SPATA17: variants seen among roughly 807,000 people sequenced by gnomAD.
SPATA17 encodes the protein spermatogenesis-associated protein 17.
A neutral mutation model predicts 62.2 loss-of-function variants in SPATA17; 53 were observed. The ratio of observed to expected loss-of-function variants is 0.85; its 90% CI spans 0.68 to 1.07. SPATA17 has a LOEUF of 1.07. SPATA17 is among the 50% of genes least tolerant of loss of function. The probability of loss-of-function intolerance (pLI) is 0.00; values close to 1 mark genes in which losing one functional copy is unlikely to be tolerated. For missense variants in SPATA17, 466 were observed against 425.5 expected (o/e 1.10, Z -0.84); for synonymous variants, 146 against 146.8 (o/e 0.99, Z 0.04).
intron 9 of SPATA17, among the ~76,000 whole-genome samples, chr1:217,819,228 T>C (rs61825858): frequency 0.1 from 15,193 of 151,960 alleles, 900 homozygotes; most frequent in Admixed American, 0.17. Flanking sequence ...TTTTGCTTAT[T>C]TTCTTTATTT....
chr1:217,849,943 G>C (rs759041719), intron 9 of SPATA17, among the ~76,000 whole-genome samples: 1 of 152,132 alleles, frequency 6.6e-6, no homozygotes, highest in Non-Finnish European at 1.5e-5. Flanking sequence ...ACAGGTCACT[G>C]TTCTTCATTC....
Position 217,683,295 on chromosome 1 carries a change from A to G in SPATA17, c.329A>G (p.Tyr110Cys). Residue 110 changes from tyrosine (Y) to cysteine (C), a missense_variant, in exon 5 of 11, where the codon TAC (tyrosine) becomes TGC (cysteine). Tyr to Cys is a radical substitution (Grantham distance 194, BLOSUM62 -2). Transcript: ENST00000366933. ...RRWRGYRVRK[Y>C]LFNYYYLKEY... Reference sequence around the variant, plus strand: ...TGGCGAGGCTATAGGGTTCGGAAGTACCTCTTTAATTATTATTATTTGAAA... The same window carrying G: ...TGGCGAGGCTATAGGGTTCGGAAGTGCCTCTTTAATTATTATTATTTGAAA... The G allele has an allele frequency of 6.2e-7, 1 of 1,610,714 alleles. No individual in the cohort carries two copies. The highest frequency in any genetic ancestry group is 8.5e-7 in the Non-Finnish European group (1 of 1,178,388).
chr1:217,701,583 C>T (rs1040749611), intron 5 of SPATA17, among the ~76,000 whole-genome samples: 6 of 151,440 alleles, frequency 4.0e-5, no homozygotes, highest in Admixed American at 2.6e-4. Flanking sequence ...GACGGGGTTT[C>T]GCCATGTTGG....
intron 6 of SPATA17, among the ~76,000 whole-genome samples, chr1:217,771,029 C>T (rs1169322149): frequency 1.3e-5 from 1 of 79,248 alleles, no homozygotes; most frequent in African/African-American, 5.0e-5. Flanking sequence ...GAGTCAGAAT[C>T]GTAGCCTTTA....
At chr1:217,632,123 C>G (rs1447507192) in intron 1 of SPATA17, among the ~76,000 whole-genome samples, 1 of 152,016 alleles carries the variant, frequency 6.6e-6, no homozygotes, top group East Asian at 1.9e-4. Flanking sequence ...GCAGAGGTTG[C>G]AGTGACCCGA....
Position 217,774,549 on chromosome 1 carries a change from C to A in SPATA17, c.723+12C>A. ...GAAAGCAATGTCAGGTACTAGTTTG[C>A]TGTATAAGAATTCTGTCATTAATTT... On this transcript the variant is annotated intron_variant, in intron 7 of 10. Coordinates refer to ENST00000366933, the MANE Select transcript of SPATA17 (RefSeq NM_138796.4). 6.2e-7 allele frequency: 1 copy of A among 1,608,756 alleles called. No individual in the cohort carries two copies. Among genetic ancestry groups the A allele is most frequent in the Admixed American group, 1.7e-5 (1 of 59,806 alleles).
intron 3 of SPATA17, among the ~76,000 whole-genome samples, chr1:217,668,221 A>G (rs1670746361): frequency 6.6e-6 from 1 of 152,180 alleles, no homozygotes; most frequent in South Asian, 2.1e-4. Flanking sequence ...TGTTTATTGT[A>G]CTGTCATGAA....
chr1:217,640,694 G>C (rs1043443160), intron 1 of SPATA17, among the ~76,000 whole-genome samples: 6 of 151,918 alleles, frequency 3.9e-5, no homozygotes, highest in Non-Finnish European at 1.5e-5. Context: ...GCTAAATAAA[G>C]ACAAGCATAT....
intron 3 of SPATA17, among the ~76,000 whole-genome samples, chr1:217,655,232 T>C (rs73107339): frequency 0.012 from 1,758 of 152,336 alleles, 25 homozygotes; most frequent in African/African-American, 0.034. Flanking sequence ...CTGTCTTCAC[T>C]TTTCATAACC....
At chr1:217,709,925 T>A (rs2102925728) in intron 5 of SPATA17, among the ~76,000 whole-genome samples, 1 of 152,320 alleles carries the variant, frequency 6.6e-6, no homozygotes, top group East Asian at 1.9e-4. Flanking sequence ...TTAAGATTTA[T>A]GTCTGAGTTT....
At chr1:217,765,800 A>G (rs115059204) in intron 6 of SPATA17, among the ~76,000 whole-genome samples, 75 of 152,134 alleles carry the variant, frequency 4.9e-4, no homozygotes, top group African/African-American at 1.7e-3. Flanking sequence ...ATTTCTTCCT[A>G]CAGCTATCAG....
At chr1:217,843,489 A>G (rs1346888854) in intron 9 of SPATA17, among the ~76,000 whole-genome samples, 1 of 152,046 alleles carries the variant, frequency 6.6e-6, no homozygotes, top group African/African-American at 2.4e-5. Context: ...CATGGAATAT[A>G]TCATGAAGCT....
At chr1:217,694,797 C>A (rs1671418331) in intron 5 of SPATA17, among the ~76,000 whole-genome samples, 2 of 145,458 alleles carry the variant, frequency 1.4e-5, no homozygotes, top group Non-Finnish European at 3.0e-5. Context: ...AAATTCTTTT[C>A]TTTAAGAATG....
At chr1:217,633,847 A>G (rs1459907520) in intron 1 of SPATA17, among the ~76,000 whole-genome samples, 1 of 152,236 alleles carries the variant, frequency 6.6e-6, no homozygotes, top group Non-Finnish European at 1.5e-5. Context: ...CTTGGTTGAG[A>G]AAATACATTC....
chr1:217,796,654 C>A (rs752094155), intron 8 of SPATA17, among the ~76,000 whole-genome samples: 1 of 152,122 alleles, frequency 6.6e-6, no homozygotes, highest in Non-Finnish European at 1.5e-5. Context: ...GTATTAAGCG[C>A]TTATAGCTAT....
intron 4 of SPATA17, among the ~76,000 whole-genome samples, chr1:217,673,625 C>T (rs1354133804): frequency 6.6e-6 from 1 of 152,130 alleles, no homozygotes; most frequent in Non-Finnish European, 1.5e-5. Flanking sequence ...AGTCATTTCT[C>T]TCCCTCTGCC....
At chr1:217,746,088 C>T (rs188868917) in intron 6 of SPATA17, among the ~76,000 whole-genome samples, 13 of 152,054 alleles carry the variant, frequency 8.5e-5, no homozygotes, top group African/African-American at 2.9e-4. Context: ...ATTAATTTCA[C>T]TGCTTGCTTT....
chr1:217,763,214 A>G (rs1224589067), intron 6 of SPATA17, among the ~76,000 whole-genome samples: 1 of 152,206 alleles, frequency 6.6e-6, no homozygotes, highest in Non-Finnish European at 1.5e-5. Context: ...ACAGTTACTC[A>G]TATATGCATA....
At chr1:217,864,175 A>G (rs1023970173) in intron 10 of SPATA17, among the ~76,000 whole-genome samples, 3 of 152,222 alleles carry the variant, frequency 2.0e-5, no homozygotes, top group Admixed American at 2.0e-4. Flanking sequence ...CCATTGGAGC[A>G]TTTATCTGGT....
Sources: gnomAD v4.1 joint callset for allele counts (sites outside exome capture counted in the v4.1 genomes callset) on GRCh38, gnomAD v4.1.1 for gene constraint, MANE v1.5 for transcripts, NCBI Gene and HGNC (gene_info 2026-07-23, HGNC 2026-07-21) for gene names.